Variants in CALN1 observed in about 807,000 individuals in gnomAD.
CALN1 encodes calneuron 1, also known as calcium-binding protein 8.
CALN1 carries 17 observed loss-of-function variants against 30.6 expected under a neutral mutation model. That is an observed-to-expected ratio of 0.56 (90% CI 0.38 to 0.83). CALN1 has a LOEUF of 0.83. Ranked by LOEUF, CALN1 falls within the 40% of genes least tolerant of loss-of-function variation. The probability of loss-of-function intolerance (pLI) is 0.00; values close to 1 mark genes in which losing one functional copy is unlikely to be tolerated. For missense variants in CALN1, 291 were observed against 354.9 expected (o/e 0.82, Z 1.45); for synonymous variants, 156 against 131.4 (o/e 1.19, Z -1.28).
chr7:72,292,695 C>T (rs191923792), intron 2 of CALN1, among the ~76,000 whole-genome samples: 7 of 151,094 alleles, frequency 4.6e-5, no homozygotes, highest in Admixed American at 4.6e-4. Context: ...GTGGCGCATG[C>T]TTGTAATCCC....
In CALN1 at chr7:72,025,617, T is replaced by C. The variant is rs547812466; in HGVS notation, c.389-1848A>G. On this transcript the variant is annotated intron_variant, in intron 4 of 6. Coordinates refer to ENST00000395275, the MANE Select transcript of CALN1 (RefSeq NM_031468.4). The stretch of plus-strand genomic sequence containing the variant: ...CAGACAAGAGCGAACCTTCAAGGCA[T>C]TGTTGGGTCCTCCAGGAGTCATCAG... Among the ~76,000 whole-genome samples, 8 of 152,246 alleles carry C rather than the reference T, an allele frequency of 5.3e-5. No individual in the cohort carries two copies. In the East Asian group the frequency reaches 9.7e-4, roughly 18 times the overall value.
chr7:72,095,911 A>G (rs1329659027), intron 4 of CALN1, among the ~76,000 whole-genome samples: 1 of 152,122 alleles, frequency 6.6e-6, no homozygotes, highest in Non-Finnish European at 1.5e-5. Context: ...GTGACGACGC[A>G]TGCCTGTAGT....
At chr7:72,081,620 C>T (rs547759594) in intron 4 of CALN1, among the ~76,000 whole-genome samples, 1 of 152,128 alleles carries the variant, frequency 6.6e-6, no homozygotes, top group African/African-American at 2.4e-5. Context: ...CGAGGTCTCA[C>T]CAGGTTGCCC....
intron 2 of CALN1, among the ~76,000 whole-genome samples, chr7:72,342,542 A>G (rs2129558846): frequency 6.6e-6 from 1 of 152,322 alleles, no homozygotes; most frequent in South Asian, 2.1e-4. Context: ...ACTTCTCCTT[A>G]TCGTGCATTT....
intron 2 of CALN1, among the ~76,000 whole-genome samples, chr7:72,312,569 C>T (rs1271490736): frequency 1.3e-5 from 2 of 151,956 alleles, no homozygotes; most frequent in East Asian, 3.9e-4. Context: ...TAGAGATCCT[C>T]GTGCTAGGAG....
At position 71,967,295 on chromosome 7, in the gene CALN1, C is replaced by T. The variant is rs143827987; in HGVS notation, c.501+56362G>A. 4.5e-4 allele frequency among the ~76,000 whole-genome samples: 69 copies of T among 151,968 alleles called. No homozygotes were observed. In the East Asian group the frequency reaches 0.01, roughly 23 times the overall value. ...AATCACTGTTAAGATAATGAACACA[C>T]GAGATATAATATGGCAGAAAATATC... On this transcript the variant is annotated intron_variant, in intron 5 of 6. Transcript: ENST00000395275.
chr7:71,905,404 TC>T (rs1006329420), intron 5 of CALN1, among the ~76,000 whole-genome samples: 24 of 149,888 alleles, frequency 1.6e-4, no homozygotes, highest in Non-Finnish European at 2.4e-4. Flanking sequence ...TTTATCTCTA[TC>T]CCCCCTCCTA....
upstream of CALN1, among the ~76,000 whole-genome samples, chr7:72,447,776 TAC>T (rs551868570): frequency 1.9e-3 from 288 of 151,322 alleles, 2 homozygotes; most frequent in African/African-American, 6.5e-3. Flanking sequence ...CCTGCCCATG[TAC>T]ACACACATGC....
At chr7:71,857,029 T>C (rs1239108280) in intron 5 of CALN1, among the ~76,000 whole-genome samples, 3 of 138,952 alleles carry the variant, frequency 2.2e-5, no homozygotes, top group African/African-American at 1.0e-4. Flanking sequence ...TGTGTGTGTG[T>C]GTGTGTGTGT....
At chr7:72,422,080 TATAAAC>T (rs1014296156) in intron 1 of CALN1, among the ~76,000 whole-genome samples, 18 of 152,260 alleles carry the variant, frequency 1.2e-4, no homozygotes, top group Non-Finnish European at 2.2e-4. Context: ...ATTGTGCTGC[TATAAAC>T]ATACATCTGC....
At chr7:71,806,273 C>CACACACATGCACACACAAAA in intron 6 of CALN1, among the ~76,000 whole-genome samples, 1 of 149,798 alleles carries the variant, frequency 6.7e-6, no homozygotes, top group East Asian at 2.0e-4. Flanking sequence ...CACACACAAA[C>CACACACATGCACACACAAAA]ACACACACAC....
intron 1 of CALN1, among the ~76,000 whole-genome samples, chr7:72,410,045 G>T (rs560011881): frequency 6.6e-6 from 1 of 151,478 alleles, no homozygotes; most frequent in African/African-American, 2.4e-5. Flanking sequence ...ATTCTTTCTT[G>T]AAGATATCTT....
At chr7:72,329,076 G>A (rs184614113) in intron 2 of CALN1, among the ~76,000 whole-genome samples, 61 of 152,296 alleles carry the variant, frequency 4.0e-4, no homozygotes, top group Admixed American at 3.4e-3. Flanking sequence ...CATTCATAAC[G>A]CCAACAGCTT....
chr7:72,452,312 T>C, the CALN1 span, among the ~76,000 whole-genome samples: 5 of 152,128 alleles, frequency 3.3e-5, no homozygotes, highest in Non-Finnish European at 7.4e-5. Context: ...CCAAATCTCA[T>C]GTTGAAATGT....
At chr7:72,396,855 A>AG (rs1377418715) in intron 2 of CALN1, among the ~76,000 whole-genome samples, 3 of 152,198 alleles carry the variant, frequency 2.0e-5, no homozygotes. Flanking sequence ...AGAAGTATAT[A>AG]GGATCATCTA....
At position 72,428,474 on chromosome 7, in the gene CALN1, C is replaced by G. The variant is rs577542018; in HGVS notation, c.-225-16199G>C. On this transcript the variant is annotated intron_variant, in intron 1 of 6. Coordinates refer to the CALN1 transcript ENST00000395276. ...TGGCCTGATCTCAGCTCACTGCAGC[C>G]TCAACATCCTGGGCTCAAGTGATCC... is the stretch of plus-strand genomic sequence containing the variant. Among the ~76,000 whole-genome samples the G allele has an allele frequency of 6.6e-5, 10 of 151,988 alleles. No individual in the cohort carries two copies. In the East Asian group the frequency reaches 1.9e-3, roughly 30 times the overall value.
chr7:72,137,233 C>G (rs546724200), intron 3 of CALN1, among the ~76,000 whole-genome samples: 2 of 152,032 alleles, frequency 1.3e-5, no homozygotes, highest in South Asian at 4.2e-4. Flanking sequence ...AGGGGTTTAT[C>G]TTAGGGTTGG....
At chr7:72,160,096 T>C (rs1386416950) in intron 3 of CALN1, among the ~76,000 whole-genome samples, 1 of 152,148 alleles carries the variant, frequency 6.6e-6, no homozygotes, top group Non-Finnish European at 1.5e-5. Flanking sequence ...TCCCCTATCC[T>C]GTGGGTCTGC....
At chr7:72,323,794 G>A (rs13240963) in intron 2 of CALN1, among the ~76,000 whole-genome samples, 58,710 of 151,950 alleles carry the variant, frequency 0.39, 11,937 homozygotes, top group Admixed American at 0.45. Flanking sequence ...CTGTAATCCC[G>A]GCACTTTGGG....
Sources: gnomAD v4.1 joint callset for allele counts (sites outside exome capture counted in the v4.1 genomes callset) on GRCh38, gnomAD v4.1.1 for gene constraint, MANE v1.5 for transcripts, NCBI Gene and HGNC (gene_info 2026-07-23, HGNC 2026-07-21) for gene names.